LIN54: variants seen among roughly 807,000 people sequenced by gnomAD.
The protein encoded by LIN54 is protein lin-54 homolog.
A neutral mutation model predicts 78.7 loss-of-function variants in LIN54; 9 were observed. That is an observed-to-expected ratio of 0.11 (90% CI 0.07 to 0.20). LIN54 has a LOEUF of 0.20. LIN54 is among the 10% of genes least tolerant of loss of function. The pLI is 1.00. For missense variants in LIN54, 573 were observed against 889.9 expected (o/e 0.64, Z 4.53); for synonymous variants, 269 against 318.4 (o/e 0.84, Z 1.65).
At chr4:82,998,446 G>C (rs1255915529) in intron 1 of LIN54, among the ~76,000 whole-genome samples, 1 of 151,858 alleles carries the variant, frequency 6.6e-6, no homozygotes, top group African/African-American at 2.4e-5. Flanking sequence ...AGGAGGCTGA[G>C]GCAGAAGAAT....
chr4:82,940,325 A>G (rs1010842676), intron 5 of LIN54, among the ~76,000 whole-genome samples: 13 of 152,204 alleles, frequency 8.5e-5, no homozygotes, highest in Admixed American at 2.6e-4. Context: ...TTGAGTAACA[A>G]CAGCACTCTA....
At chr4:82,949,109 T>C (rs1386935777) in intron 4 of LIN54, among the ~76,000 whole-genome samples, 1 of 152,188 alleles carries the variant, frequency 6.6e-6, no homozygotes, top group Non-Finnish European at 1.5e-5. Flanking sequence ...CCATAATGGC[T>C]GCACCAATCT....
chr4:82,964,679 T>A (rs1413527534), intron 4 of LIN54, among the ~76,000 whole-genome samples: 1 of 151,278 alleles, frequency 6.6e-6, no homozygotes, highest in Non-Finnish European at 1.5e-5. Context: ...TGAAAAAAAA[T>A]TTAACCCAGG....
intron 4 of LIN54, among the ~76,000 whole-genome samples, chr4:82,948,906 C>A (rs1212397918): frequency 1.3e-5 from 2 of 152,102 alleles, no homozygotes; most frequent in African/African-American, 2.4e-5. Flanking sequence ...ACTACAGTTT[C>A]TTTACTCATT....
At position 82,928,322 on chromosome 4, in the gene LIN54, G is replaced by A. The variant is rs114208623; in HGVS notation, c.2049-19C>T. Reference sequence around the variant, plus strand: ...TGGCAATCTGAAATGATTTTTGAAAGAGAAAGATGATGGTGGTGTTAAATA... The same window carrying A: ...TGGCAATCTGAAATGATTTTTGAAAAAGAAAGATGATGGTGGTGTTAAATA... On this transcript the variant is annotated intron_variant, in intron 12 of 12. Coordinates refer to ENST00000340417, the MANE Select transcript of LIN54 (RefSeq NM_194282.4). The A allele has an allele frequency of 9.8e-4, 1,562 of 1,589,214 alleles. 7 individuals carry two copies. The African/African-American group carries it at 0.017, about 17-fold the overall frequency.
chr4:82,982,169 A>T (rs1215972106), intron 2 of LIN54, among the ~76,000 whole-genome samples: 1 of 152,186 alleles, frequency 6.6e-6, no homozygotes, highest in Non-Finnish European at 1.5e-5. Context: ...AATGTCACAT[A>T]TACCTTGCTC....
chr4:82,939,986 T>G (rs1343637983), intron 5 of LIN54, 24 bp from the exon 6 acceptor site: 7 of 1,526,412 alleles, frequency 4.6e-6, no homozygotes, highest in Non-Finnish European at 6.3e-6. Context: ...AAAAGAAGGA[T>G]GAACAAGTTA....
intron 4 of LIN54, among the ~76,000 whole-genome samples, chr4:82,966,410 G>A (rs1725202064): frequency 6.6e-6 from 1 of 151,064 alleles, no homozygotes; most frequent in Admixed American, 6.6e-5. Flanking sequence ...GGACATCCAT[G>A]CCAGACTTAC....
rs1721363633 is a variant in LIN54, at chr4:82,925,134, T to G, written c.*2968A>C. The G allele has an allele frequency of 6.6e-6, 1 of 152,554 alleles. No individual in the cohort carries two copies. Among genetic ancestry groups the G allele is most frequent in the Non-Finnish European group, 1.5e-5 (1 of 68,010 alleles). The allele number at this position is 152,554 out of a possible 1,614,324, so 9.5% of individuals were successfully genotyped here. A position where few individuals can be genotyped will look rare whatever the true frequency, so the allele number is the denominator to read the frequency against. ...AAGACCTACAGGTTGTGTTTAGTGCTTCAGAAAAAAAGGAAACTAAGAAAG... is the reference window on the plus strand; with the variant it reads ...AAGACCTACAGGTTGTGTTTAGTGCGTCAGAAAAAAAGGAAACTAAGAAAG... On this transcript the variant is annotated 3_prime_UTR_variant, in exon 13 of 13. Transcript: ENST00000340417.
At chr4:82,935,283 T>C (rs1016447282) in intron 11 of LIN54, among the ~76,000 whole-genome samples, 1 of 148,060 alleles carries the variant, frequency 6.8e-6, no homozygotes, top group Non-Finnish European at 1.5e-5. Context: ...TATTTATATA[T>C]TTATAATATA....
chr4:82,981,143 GA>G (rs1235148663), intron 2 of LIN54, among the ~76,000 whole-genome samples: 1 of 151,710 alleles, frequency 6.6e-6, no homozygotes, highest in Admixed American at 6.6e-5. Context: ...AGATAAACAT[GA>G]AAAAAAACTT....
Position 82,984,028 on chromosome 4 carries a change from A to G in LIN54, c.684+133T>C, listed in dbSNP as rs1034056134. On this transcript the variant is annotated intron_variant, in intron 2 of 12. Coordinates refer to ENST00000340417, the MANE Select transcript of LIN54 (RefSeq NM_194282.4). ...ATATCAAACTTAAAAACACACACAC[A>G]CAATTACATAAAACAACATTCAAAA... 1.5e-5 allele frequency: 10 copies of G among 656,522 alleles called. No homozygotes were observed. In the African/African-American group the frequency reaches 1.8e-4, roughly 12 times the overall value. The allele number at this position is 656,522 out of a possible 1,614,324, so 40.7% of individuals were successfully genotyped here.
In LIN54 at chr4:82,925,004, G is replaced by A. The variant is rs1462307331; in HGVS notation, c.*3098C>T. On this transcript the variant is annotated 3_prime_UTR_variant, in exon 13 of 13. Coordinates refer to ENST00000340417, the MANE Select transcript of LIN54 (RefSeq NM_194282.4). ...TTATTTTTATTCACATTTTACATAA[G>A]ATTGAAAAAATGTCAGTTGTTCACT... is the stretch of plus-strand genomic sequence containing the variant. 5.9e-5 allele frequency: 9 copies of A among 152,402 alleles called. No homozygotes were observed. Among genetic ancestry groups the A allele is most frequent in the African/African-American group, 1.9e-4 (8 of 41,376 alleles). The allele number at this position is 152,402 out of a possible 1,614,324, so 9.4% of individuals were successfully genotyped here.
intron 2 of LIN54, among the ~76,000 whole-genome samples, chr4:82,980,464 ATAAAT>A (rs1226640319): frequency 1.3e-5 from 2 of 152,188 alleles, no homozygotes; most frequent in Admixed American, 6.5e-5. Context: ...TGCTCAAATT[ATAAAT>A]TAAACTAAAT....
At chr4:82,971,182 C>T (rs1725619252) in intron 3 of LIN54, among the ~76,000 whole-genome samples, 1 of 152,164 alleles carries the variant, frequency 6.6e-6, no homozygotes, top group African/African-American at 2.4e-5. Flanking sequence ...TTCTTGAAGA[C>T]TGTGTGATAG....
intron 1 of LIN54, among the ~76,000 whole-genome samples, chr4:82,992,776 C>T (rs987168069): frequency 6.6e-6 from 1 of 152,068 alleles, no homozygotes; most frequent in South Asian, 2.1e-4. Flanking sequence ...CGCCTGTAAT[C>T]CCAGCACTTT....
chr4:82,940,195 T>C (rs1722737354), intron 5 of LIN54, among the ~76,000 whole-genome samples: 1 of 152,222 alleles, frequency 6.6e-6, no homozygotes, highest in Admixed American at 6.5e-5. Flanking sequence ...TGTGAGGGAA[T>C]ATTTGTAGGT....
chr4:82,989,481 C>T (rs1727477283), intron 1 of LIN54, among the ~76,000 whole-genome samples: 1 of 152,214 alleles, frequency 6.6e-6, no homozygotes, highest in Non-Finnish European at 1.5e-5. Flanking sequence ...CACTAGCTTT[C>T]TTCCCCAAAC....
At chr4:82,982,030 A>G (rs1366828884) in intron 2 of LIN54, among the ~76,000 whole-genome samples, 1 of 152,132 alleles carries the variant, frequency 6.6e-6, no homozygotes, top group Non-Finnish European at 1.5e-5. Flanking sequence ...TCTCAAAAAC[A>G]AAACAAAACA....
Sources: allele counts gnomAD v4.1 joint callset (sites outside exome capture counted in the v4.1 genomes callset), GRCh38; gene constraint gnomAD v4.1.1; transcripts MANE v1.5; gene names NCBI Gene and HGNC (gene_info 2026-07-23, HGNC 2026-07-21).